Variants in ZNF618 observed in about 807,000 individuals in gnomAD.
ZNF618 encodes the protein neural precursor cell expressed, developmentally down-regulated 10.
In ZNF618, 34 loss-of-function variants were observed where a neutral mutation model predicts 103.0. That is an observed-to-expected ratio of 0.33 (90% CI 0.25 to 0.44). The LOEUF is 0.44. Ranked by LOEUF, ZNF618 falls within the 20% of genes least tolerant of loss-of-function variation. The probability of loss-of-function intolerance (pLI) is 1.00; values close to 1 mark genes in which losing one functional copy is unlikely to be tolerated. For synonymous variants in ZNF618, 551 were observed against 542.2 expected (o/e 1.02, Z -0.23); for missense variants, 1,059 against 1,295.4 (o/e 0.82, Z 2.80).
chr9:114,037,412 C>T (rs1388239524), intron 13 of ZNF618, among the ~76,000 whole-genome samples: 2 of 152,190 alleles, frequency 1.3e-5, no homozygotes, highest in Non-Finnish European at 2.9e-5. Flanking sequence ...GAATTAGCCA[C>T]ATGACCAGCC....
chr9:113,903,471 C>T (rs1830721534), intron 1 of ZNF618, among the ~76,000 whole-genome samples: 1 of 143,378 alleles, frequency 7.0e-6, no homozygotes, highest in South Asian at 2.3e-4. Flanking sequence ...ATAAATCTGC[C>T]TCTGTTTTTT....
intron 1 of ZNF618, among the ~76,000 whole-genome samples, chr9:113,940,231 G>A (rs1179018995): frequency 6.6e-6 from 1 of 151,858 alleles, no homozygotes; most frequent in Non-Finnish European, 1.5e-5. Context: ...AATATGGCCT[G>A]TATAATTTCT....
At chr9:113,893,003 A>G (rs2131059590) in intron 1 of ZNF618, among the ~76,000 whole-genome samples, 2 of 152,330 alleles carry the variant, frequency 1.3e-5, no homozygotes, top group Middle Eastern at 6.8e-3. Flanking sequence ...TAACATTAGA[A>G]TCATGTCTTA....
intron 2 of ZNF618, among the ~76,000 whole-genome samples, chr9:113,979,384 G>A (rs1170378179): frequency 6.6e-6 from 1 of 152,176 alleles, no homozygotes; most frequent in Non-Finnish European, 1.5e-5. Flanking sequence ...TGGGAAGAGT[G>A]TGTTACATTT....
chr9:113,991,308 T>C (rs759918822), intron 3 of ZNF618, among the ~76,000 whole-genome samples: 8 of 152,212 alleles, frequency 5.3e-5, no homozygotes, highest in Non-Finnish European at 1.2e-4. Context: ...GGCCACCTCA[T>C]GGGCGTGGCC....
intron 1 of ZNF618, among the ~76,000 whole-genome samples, chr9:113,905,658 G>T (rs190654717): frequency 6.6e-4 from 100 of 152,334 alleles, no homozygotes; most frequent in Middle Eastern, 6.8e-3. Flanking sequence ...CTCTGAGAAT[G>T]GTTCTGCTTG....
chr9:113,890,044 A>G (rs979041039), intron 1 of ZNF618, among the ~76,000 whole-genome samples: 3 of 152,334 alleles, frequency 2.0e-5, no homozygotes, highest in East Asian at 1.9e-4. Context: ...AACTAATGTC[A>G]GGGTCAGGAC....
intron 1 of ZNF618, among the ~76,000 whole-genome samples, chr9:113,950,671 C>A (rs528491437): frequency 6.6e-6 from 1 of 152,150 alleles, no homozygotes; most frequent in Non-Finnish European, 1.5e-5. Flanking sequence ...AGGCTGCCCT[C>A]GGCCTGGGGA....
chr9:114,018,571 C>T (rs548236079), intron 10 of ZNF618, among the ~76,000 whole-genome samples: 13 of 152,298 alleles, frequency 8.5e-5, no homozygotes, highest in East Asian at 5.8e-4. Context: ...CTTTGAATTC[C>T]GGCAGGCAGG....
At position 114,048,877 on chromosome 9, in the gene ZNF618, C is replaced by G. The variant is rs1188484929; in HGVS notation, c.1575C>G (p.His525Gln). The G allele has an allele frequency of 6.2e-7, 1 of 1,608,166 alleles. No individual in the cohort carries two copies. The highest frequency in any genetic ancestry group is 8.5e-7 in the Non-Finnish European group (1 of 1,177,158). Residue 525 changes from histidine (H) to glutamine (Q), a missense_variant, in exon 15 of 15, where the codon CAC (histidine) becomes CAG (glutamine). By Grantham distance (24) the His-to-Gln change is conservative. Transcript: ENST00000374126. Reference protein sequence around the residue: ...LGNFNTLALKHLPRMYNQVKV... With the variant: ...LGNFNTLALKQLPRMYNQVKV... The stretch of plus-strand genomic sequence containing the variant: ...ACTTCAACACGCTGGCGCTGAAGCA[C>G]CTGCCACGCATGTACAACCAGGTGA...
chr9:113,885,857 A>G (rs1370792480), intron 1 of ZNF618, among the ~76,000 whole-genome samples: 5 of 152,230 alleles, frequency 3.3e-5, no homozygotes, highest in Admixed American at 1.3e-4. Flanking sequence ...TATTGAGTCG[A>G]CAAAAAAGTG....
chr9:113,920,821 T>C (rs1162523712), intron 1 of ZNF618, among the ~76,000 whole-genome samples: 2 of 152,178 alleles, frequency 1.3e-5, no homozygotes, highest in East Asian at 1.9e-4. Flanking sequence ...TCAATGACAG[T>C]TTGTGATAGT....
intron 1 of ZNF618, among the ~76,000 whole-genome samples, chr9:113,910,967 A>G (rs1831491522): frequency 6.6e-6 from 1 of 151,776 alleles, no homozygotes; most frequent in Admixed American, 6.6e-5. Flanking sequence ...AGTAGCTGGG[A>G]TTACAGGTGC....
At chr9:114,016,449 A>G (rs999622485) in intron 9 of ZNF618, among the ~76,000 whole-genome samples, 1 of 152,188 alleles carries the variant, frequency 6.6e-6, no homozygotes, top group African/African-American at 2.4e-5. Context: ...AGGTGGTCCT[A>G]TTATGACCTC....
At chr9:113,897,850 G>A (rs1830173896) in intron 1 of ZNF618, among the ~76,000 whole-genome samples, 1 of 152,028 alleles carries the variant, frequency 6.6e-6, no homozygotes, top group Non-Finnish European at 1.5e-5. Flanking sequence ...CTGGAGTGTG[G>A]TGGCACGATC....
chr9:113,996,971 C>T (rs937551931), intron 3 of ZNF618, among the ~76,000 whole-genome samples: 35 of 152,148 alleles, frequency 2.3e-4, no homozygotes, highest in African/African-American at 9.7e-5. Context: ...CTCATCCTTG[C>T]GACGGATGTT....
Position 114,054,970 on chromosome 9 carries a change from G to A in ZNF618, c.*4803G>A, listed in dbSNP as rs1008118193. On this transcript the variant is annotated 3_prime_UTR_variant, in exon 15 of 15. Coordinates refer to ENST00000374126, the MANE Select transcript of ZNF618 (RefSeq NM_001318042.2). ...CCCCCGCCCACCCACCACGGGTGTCGCTTTAAAGAGTCAATTCTTGTACAG... is the reference window on the plus strand; with the variant it reads ...CCCCCGCCCACCCACCACGGGTGTCACTTTAAAGAGTCAATTCTTGTACAG... The A allele has an allele frequency of 3.5e-5, 4 of 115,158 alleles. No homozygotes were observed. The highest frequency in any genetic ancestry group is 5.8e-4 in the South Asian group (2 of 3,472). The allele number at this position is 115,158 out of a possible 1,614,324, so 7.1% of individuals were successfully genotyped here.
chr9:113,948,745 A>G lies in ZNF618; in HGVS notation c.34-20372A>G, dbSNP rs538932365. Reference sequence around the variant, plus strand: ...GAAGCAGTGGGAGTCCCTGATGTTGAAGCAGTGGGAGTCCCTGATGTTGTG... The same window carrying G: ...GAAGCAGTGGGAGTCCCTGATGTTGGAGCAGTGGGAGTCCCTGATGTTGTG... On this transcript the variant is annotated intron_variant, in intron 1 of 14. Coordinates refer to ENST00000374126, the MANE Select transcript of ZNF618 (RefSeq NM_001318042.2). 2.0e-5 allele frequency among the ~76,000 whole-genome samples: 3 copies of G among 152,244 alleles called. No homozygotes were observed. In the East Asian group the frequency reaches 5.8e-4, roughly 29 times the overall value.
At chr9:113,893,954 C>A (rs963075470) in intron 1 of ZNF618, among the ~76,000 whole-genome samples, 2 of 152,040 alleles carry the variant, frequency 1.3e-5, no homozygotes, top group African/African-American at 2.4e-5. Flanking sequence ...TTTAAAAAGG[C>A]TTTGCTGACT....
Sources: allele counts gnomAD v4.1 joint callset (sites outside exome capture counted in the v4.1 genomes callset), GRCh38; gene constraint gnomAD v4.1.1; transcripts MANE v1.5; gene names NCBI Gene and HGNC (gene_info 2026-07-23, HGNC 2026-07-21).